PTPN14: variants seen among roughly 807,000 people sequenced by gnomAD.
PTPN14 encodes the protein protein tyrosine phosphatase non-receptor type 14.
PTPN14 carries 53 observed loss-of-function variants against 126.8 expected under a neutral mutation model. The observed-to-expected ratio is 0.42, with a 90% CI of 0.34 to 0.53. The LOEUF is 0.53. Ranked by LOEUF, PTPN14 falls within the 20% of genes least tolerant of loss-of-function variation. The probability of loss-of-function intolerance (pLI) is 0.08; values close to 1 mark genes in which losing one functional copy is unlikely to be tolerated. For synonymous variants in PTPN14, 630 were observed against 599.3 expected, an observed-to-expected ratio of 1.05 and a Z score of -0.75; for missense variants, 1,257 against 1,552.9, an observed-to-expected ratio of 0.81 and a Z score of 3.20.
At chr1:214,505,353 T>G (rs1170127141) in intron 1 of PTPN14, among the ~76,000 whole-genome samples, 1 of 152,098 alleles carries the variant, frequency 6.6e-6, no homozygotes, top group Non-Finnish European at 1.5e-5. Flanking sequence ...ATGGTAACGC[T>G]TCAAGGAGAA....
chr1:214,550,147 T>G (rs115350453), intron 1 of PTPN14, among the ~76,000 whole-genome samples: 3,958 of 152,234 alleles, frequency 0.026, 67 homozygotes, highest in Non-Finnish European at 0.041. Context: ...CCTTCAAGTT[T>G]CCTCCACTAG....
intron 1 of PTPN14, among the ~76,000 whole-genome samples, chr1:214,521,725 C>CTA (rs1553275114): frequency 6.7e-5 from 10 of 149,066 alleles, no homozygotes; most frequent in African/African-American, 1.7e-4. Context: ...CAAAGCACAC[C>CTA]CACACACACA....
intron 3 of PTPN14, among the ~76,000 whole-genome samples, chr1:214,417,771 C>G (rs910732124): frequency 1.3e-5 from 2 of 152,094 alleles, no homozygotes; most frequent in African/African-American, 2.4e-5. Flanking sequence ...AAATAAGGCA[C>G]CAGGAACTCA....
chr1:214,364,487 C>T lies in PTPN14; in HGVS notation c.3435+25G>A, dbSNP rs761089106. 7.5e-6 allele frequency: 12 copies of T among 1,608,572 alleles called. No individual in the cohort carries two copies. Among genetic ancestry groups the T allele is most frequent in the Middle Eastern group, 1.7e-4 (1 of 6,046 alleles). On this transcript the variant is annotated intron_variant, in intron 18 of 18. Transcript: ENST00000366956. This position sits in a 1 kb window ranked among gnomAD's most constrained non-coding sequence, Gnocchi z 4.1. ...AGACTTGTCCCCAAGGTGGAGTATC[C>T]GGAGAGAAGCCCAGAATGACTCACT...
At chr1:214,479,960 C>T (rs1660950312) in intron 1 of PTPN14, among the ~76,000 whole-genome samples, 1 of 152,004 alleles carries the variant, frequency 6.6e-6, no homozygotes, top group Non-Finnish European at 1.5e-5. Context: ...TGATATCTTT[C>T]ATTATTTATG....
chr1:214,533,256 C>A, intron 1 of PTPN14: 1 of 630,230 alleles, frequency 1.6e-6, no homozygotes, highest in East Asian at 3.5e-5. Context: ...AACACCAAGC[C>A]CAGGAGTGCG....
chr1:214,374,118 G>C (rs1571957185), intron 15 of PTPN14, among the ~76,000 whole-genome samples: 1 of 152,172 alleles, frequency 6.6e-6, no homozygotes, highest in Non-Finnish European at 1.5e-5. Flanking sequence ...CCTTGATATT[G>C]CAAAGTCAGG....
At chr1:214,502,772 T>C (rs1391083521) in intron 1 of PTPN14, among the ~76,000 whole-genome samples, 3 of 152,066 alleles carry the variant, frequency 2.0e-5, no homozygotes, top group East Asian at 3.8e-4. Context: ...CATAATAAAA[T>C]ATAGCGCAAT....
Position 214,357,838 on chromosome 1 carries a change from T to TG in PTPN14, c.*83dup, listed in dbSNP as rs927178310. 56 of 1,280,702 alleles carry TG rather than the reference T, an allele frequency of 4.4e-5. No homozygotes were observed. In the African/African-American group the frequency reaches 7.1e-4, roughly 16 times the overall value. 79.3% of individuals were successfully genotyped at this position (1,280,702 alleles called of 1,614,324 possible). A position where few individuals can be genotyped will look rare whatever the true frequency, so the allele number is the denominator to read the frequency against. On this transcript the variant is annotated 3_prime_UTR_variant, in exon 19 of 19. Transcript: ENST00000366956. The stretch of plus-strand genomic sequence containing the variant: ...TTGCTGCCAGCCACCTGCACCCCTG[T>TG]GGGGGGAGCAGATGTTGTCTGGAGG...
chr1:214,370,029 G>A (rs1056371067), intron 16 of PTPN14, among the ~76,000 whole-genome samples: 7 of 152,168 alleles, frequency 4.6e-5, no homozygotes, highest in South Asian at 2.1e-4. Flanking sequence ...GCCTGTAATC[G>A]CAGCACTTTG....
At chr1:214,428,595 T>C (rs1359966146) in intron 3 of PTPN14, among the ~76,000 whole-genome samples, 2 of 152,220 alleles carry the variant, frequency 1.3e-5, no homozygotes, top group Admixed American at 1.3e-4. Context: ...ACTATCTTTA[T>C]AGAACGAAGT....
intron 4 of PTPN14, among the ~76,000 whole-genome samples, chr1:214,413,947 G>A (rs949808651): frequency 3.3e-5 from 5 of 151,944 alleles, no homozygotes; most frequent in African/African-American, 9.7e-5. Context: ...GGGATTACAG[G>A]CATGAGCCAC....
In PTPN14 at chr1:214,486,561, G is replaced by C. The variant is rs1489640028; in HGVS notation, c.-154-21604C>G. 2.6e-5 allele frequency among the ~76,000 whole-genome samples: 4 copies of C among 152,164 alleles called. No individual in the cohort carries two copies. In the East Asian group the frequency reaches 7.7e-4, roughly 29 times the overall value. On this transcript the variant is annotated intron_variant, in intron 1 of 18. Transcript: ENST00000366956. ...CCACATTAGAGAAATAGATTCTTCG[G>C]AGTACTTAGGGTTGGGACAATAGGA...
At chr1:214,521,451 G>A (rs775982498) in intron 1 of PTPN14, among the ~76,000 whole-genome samples, 42 of 152,184 alleles carry the variant, frequency 2.8e-4, no homozygotes, top group Non-Finnish European at 5.4e-4. Context: ...GGTGGCTCAC[G>A]CCTATAATCC....
At chr1:214,436,081 A>G (rs780221924) in intron 3 of PTPN14, among the ~76,000 whole-genome samples, 2 of 152,236 alleles carry the variant, frequency 1.3e-5, no homozygotes, top group Non-Finnish European at 2.9e-5. Flanking sequence ...TGACAAGATC[A>G]TGTCCTCTGC....
intron 1 of PTPN14, among the ~76,000 whole-genome samples, chr1:214,521,264 G>A (rs887807258): frequency 6.6e-6 from 1 of 152,062 alleles, no homozygotes; most frequent in Non-Finnish European, 1.5e-5. Context: ...AGTACTTGAC[G>A]GCCCCTTAGT....
At position 214,350,927 on chromosome 1, in the gene PTPN14, A is replaced by G. The variant is rs895691840; in HGVS notation, c.*6995T>C. The G allele has an allele frequency of 2.0e-5, 3 of 151,730 alleles. No individual in the cohort carries two copies. The highest frequency in any genetic ancestry group is 7.3e-5 in the African/African-American group (3 of 41,286). 9.4% of individuals were successfully genotyped at this position (151,730 alleles called of 1,614,324 possible). A position where few individuals can be genotyped will look rare whatever the true frequency, so the allele number is the denominator to read the frequency against. On this transcript the variant is annotated 3_prime_UTR_variant, in exon 19 of 19. Coordinates refer to ENST00000366956, the MANE Select transcript of PTPN14 (RefSeq NM_005401.5). Reference sequence around the variant, plus strand: ...TTAAAAAATTAAAATAAGATTTCCTAATTACATATTTCTGAGAGGTTTAAG... The same window carrying G: ...TTAAAAAATTAAAATAAGATTTCCTGATTACATATTTCTGAGAGGTTTAAG...
At chr1:214,516,701 TAGAA>T (rs1423959868) in intron 1 of PTPN14, among the ~76,000 whole-genome samples, 1 of 151,974 alleles carries the variant, frequency 6.6e-6, no homozygotes, top group African/African-American at 2.4e-5. Flanking sequence ...TCAAAGGAAA[TAGAA>T]AGGCAATGTT....
At chr1:214,472,212 G>A (rs1660774763) in intron 1 of PTPN14, among the ~76,000 whole-genome samples, 1 of 152,124 alleles carries the variant, frequency 6.6e-6, no homozygotes, top group Non-Finnish European at 1.5e-5. Context: ...CAGGTCATAG[G>A]GGTGGATCCC....
Sources: allele counts gnomAD v4.1 joint callset (sites outside exome capture counted in the v4.1 genomes callset), GRCh38; gene constraint gnomAD v4.1.1; non-coding constraint Gnocchi (gnomAD v3.1); transcripts MANE v1.5; gene names NCBI Gene and HGNC (gene_info 2026-07-23, HGNC 2026-07-21).